The following MOCOS variants were observed in gnomAD, a reference collection of about 807,000 sequenced individuals.
The protein encoded by MOCOS is molybdenum cofactor sulfurase.
A neutral mutation model predicts 83.6 loss-of-function variants in MOCOS; 86 were observed. That is an observed-to-expected ratio of 1.03 (90% CI 0.86 to 1.23). The LOEUF (loss-of-function observed/expected upper bound fraction) is 1.23, where lower values mean the gene tolerates loss of function less well. MOCOS is among the 50% of genes most tolerant of loss of function. MOCOS has a pLI of 0.00. For synonymous variants in MOCOS, 445 were observed against 434.7 expected, an observed-to-expected ratio of 1.02 and a Z score of -0.29; for missense variants, 1,120 against 1,126.9, an observed-to-expected ratio of 0.99 and a Z score of 0.09.
chr18:36,205,277 G>C lies in MOCOS; in HGVS notation c.1218+1G>C, dbSNP rs1362463869. ...AGGGAACATCATTGGTTACTCCCAG[G>C]TGGGTTTTCTTTCCATCCTGCTGAC... On this transcript the variant is annotated splice_donor_variant, in intron 6 of 14. Coordinates refer to ENST00000261326, the MANE Select transcript of MOCOS (RefSeq NM_017947.4). LOFTEE classifies it high-confidence loss of function. 1.9e-6 allele frequency: 3 copies of C among 1,612,976 alleles called. No individual in the cohort carries two copies. Among genetic ancestry groups the C allele is most frequent in the Admixed American group, 3.3e-5 (2 of 59,982 alleles).
At chr18:36,253,082 C>T (rs926116589) in intron 11 of MOCOS, among the ~76,000 whole-genome samples, 1 of 152,074 alleles carries the variant, frequency 6.6e-6, no homozygotes, top group African/African-American at 2.4e-5. Flanking sequence ...ACCTGTGTAC[C>T]ACCCTTGTAA....
chr18:36,210,850 C>CAAAAACAAAAAAAAAAAAAAAA (rs2091452495), intron 6 of MOCOS, among the ~76,000 whole-genome samples: 1 of 48,070 alleles, frequency 2.1e-5, no homozygotes. Context: ...GACTCTGTCT[C>CAAAAACAAAAAAAAAAAAAAAA]AAAAAAAAAA....
chr18:36,216,548 G>A (rs2091476781), intron 8 of MOCOS, among the ~76,000 whole-genome samples: 1 of 152,134 alleles, frequency 6.6e-6, no homozygotes, highest in African/African-American at 2.4e-5. Context: ...AAATGAATTA[G>A]CGAATAAATA....
intron 2 of MOCOS, among the ~76,000 whole-genome samples, chr18:36,196,701 C>G (rs1283833262): frequency 6.6e-6 from 1 of 151,772 alleles, no homozygotes; most frequent in Non-Finnish European, 1.5e-5. Flanking sequence ...GAGCCATAAC[C>G]GTGGGAAAGC....
In MOCOS at chr18:36,271,580, A is replaced by T. The variant is rs895622088; in HGVS notation, c.*2895A>T. On this transcript the variant is annotated 3_prime_UTR_variant, in exon 15 of 15. Coordinates refer to ENST00000261326, the MANE Select transcript of MOCOS (RefSeq NM_017947.4). Reference sequence around the variant, plus strand: ...CTCAAAGTGTATAACAAAATCAAAGACAATGTCATGTCCCTTGAATTTAAT... The same window carrying T: ...CTCAAAGTGTATAACAAAATCAAAGTCAATGTCATGTCCCTTGAATTTAAT... 1.3e-5 allele frequency: 2 copies of T among 152,172 alleles called. No homozygotes were observed. Among genetic ancestry groups the T allele is most frequent in the Non-Finnish European group, 2.9e-5 (2 of 68,026 alleles). The allele number at this position is 152,172 out of a possible 1,614,324, so 9.4% of individuals were successfully genotyped here. A position where few individuals can be genotyped will look rare whatever the true frequency, so the allele number is the denominator to read the frequency against.
chr18:36,261,189 A>C (rs1011505917), intron 13 of MOCOS, among the ~76,000 whole-genome samples: 1 of 152,072 alleles, frequency 6.6e-6, no homozygotes, highest in Non-Finnish European at 1.5e-5. Flanking sequence ...TTATTTTTAT[A>C]ATACAGGCTG....
intron 11 of MOCOS, among the ~76,000 whole-genome samples, chr18:36,253,746 G>A (rs1361139931): frequency 6.6e-6 from 1 of 152,064 alleles, no homozygotes; most frequent in Non-Finnish European, 1.5e-5. Flanking sequence ...GCAGGGCTTG[G>A]CATTCATGGG....
intron 1 of MOCOS, 96 bp downstream of exon 1, chr18:36,187,777 G>A: frequency 8.2e-7 from 1 of 1,217,706 alleles, no homozygotes; most frequent in Non-Finnish European, 1.0e-6. Context: ...CCTCATTCGG[G>A]CGCATTTTGA....
At chr18:36,256,134 C>G (rs560910323) in intron 11 of MOCOS, among the ~76,000 whole-genome samples, 1 of 152,236 alleles carries the variant, frequency 6.6e-6, no homozygotes, top group East Asian at 1.9e-4. Flanking sequence ...TCAGGTGATC[C>G]TCCTGCCTCG....
At position 36,205,159 on chromosome 18, in the gene MOCOS, T is replaced by TGG; in HGVS notation, c.1102_1103dup (p.Ala369GlufsTer68). 1 of 1,613,796 alleles carries TGG rather than the reference T, an allele frequency of 6.2e-7. No individual in the cohort carries two copies. Among genetic ancestry groups the TGG allele is most frequent in the African/African-American group, 1.3e-5 (1 of 74,998 alleles). Reference sequence around the variant, plus strand: ...CCCTGTCCTCTCTCCAGTACCCCAATGGAGCCCCTGTGGTGCGGATTTACA... The same window carrying TGG: ...CCCTGTCCTCTCTCCAGTACCCCAATGGGGAGCCCCTGTGGTGCGGATTTACA... On this transcript the variant is annotated frameshift_variant, in exon 6 of 15. Coordinates refer to ENST00000261326, the MANE Select transcript of MOCOS (RefSeq NM_017947.4). LOFTEE classifies it high-confidence loss of function.
intron 9 of MOCOS, among the ~76,000 whole-genome samples, chr18:36,237,383 A>G (rs1188283711): frequency 6.6e-6 from 1 of 152,104 alleles, no homozygotes; most frequent in African/African-American, 2.4e-5. Context: ...GCATCTATTG[A>G]GATAATCATG....
chr18:36,261,436 C>G (rs1171836999), intron 13 of MOCOS, among the ~76,000 whole-genome samples: 1 of 152,100 alleles, frequency 6.6e-6, no homozygotes, highest in Non-Finnish European at 1.5e-5. Flanking sequence ...AATACTCAAC[C>G]TGTGGTAGTG....
At chr18:36,258,039 A>G (rs2091649331) in intron 12 of MOCOS, among the ~76,000 whole-genome samples, 2 of 152,178 alleles carry the variant, frequency 1.3e-5, no homozygotes, top group African/African-American at 4.8e-5. Flanking sequence ...ATGCAGCCAC[A>G]TGTTCTCTGG....
At chr18:36,200,685 C>T (rs1475336224) in intron 4 of MOCOS, among the ~76,000 whole-genome samples, 1 of 152,140 alleles carries the variant, frequency 6.6e-6, no homozygotes, top group East Asian at 1.9e-4. Flanking sequence ...GAAACAGTGG[C>T]CTTAAAAGGT....
chr18:36,272,006 A>T lies in MOCOS; in HGVS notation c.*3321A>T. The T allele has an allele frequency of 6.6e-6, 1 of 152,234 alleles. No homozygotes were observed. The highest frequency in any genetic ancestry group is 6.5e-5 in the Admixed American group (1 of 15,284). The allele number at this position is 152,234 out of a possible 1,614,324, so 9.4% of individuals were successfully genotyped here. On this transcript the variant is annotated 3_prime_UTR_variant, in exon 15 of 15. Transcript: ENST00000261326. ...TAGATCTCACTATAGAGGCATCACT[A>T]ATTGGGGAAAGACAGACTAGGTAAT... is the stretch of plus-strand genomic sequence containing the variant.
At chr18:36,193,166 C>A (rs2091372803) in intron 1 of MOCOS, among the ~76,000 whole-genome samples, 1 of 149,034 alleles carries the variant, frequency 6.7e-6, no homozygotes, top group Non-Finnish European at 1.5e-5. Flanking sequence ...AAAAAATTAG[C>A]CGGGCGCGGT....
rs2091694268 is a variant in MOCOS, at chr18:36,270,067, T to A, written c.*1382T>A. 1 of 152,178 alleles carries A rather than the reference T, an allele frequency of 6.6e-6. No homozygotes were observed. The highest frequency in any genetic ancestry group is 2.4e-5 in the African/African-American group (1 of 41,432). The allele number at this position is 152,178 out of a possible 1,614,324, so 9.4% of individuals were successfully genotyped here. ...CTAATGATTGCACACTCACGTGCTG[T>A]GAAGAGTTAAGGGTAAAAAGTACAA... On this transcript the variant is annotated 3_prime_UTR_variant, in exon 15 of 15. Coordinates refer to ENST00000261326, the MANE Select transcript of MOCOS (RefSeq NM_017947.4).
Position 36,246,649 on chromosome 18 carries a change from A to T in MOCOS, c.1961-2273A>T, listed in dbSNP as rs534063066. Among the ~76,000 whole-genome samples the T allele has an allele frequency of 6.6e-5, 10 of 152,342 alleles. No homozygotes were observed. The South Asian group carries it at 2.1e-3, about 32-fold the overall frequency. ...GGTTTTCTCAAATGCTGGTTATGCT[A>T]GCAGTGAAGTTGTCACATGGACAGA... On this transcript the variant is annotated intron_variant, in intron 9 of 14. Coordinates refer to ENST00000261326, the MANE Select transcript of MOCOS (RefSeq NM_017947.4).
chr18:36,240,718 C>T (rs540653857), intron 9 of MOCOS, among the ~76,000 whole-genome samples: 2 of 152,310 alleles, frequency 1.3e-5, no homozygotes, highest in South Asian at 2.1e-4. Context: ...CAATGGTGGG[C>T]GCCCCTCCCC....
Sources: allele counts gnomAD v4.1 joint callset (sites outside exome capture counted in the v4.1 genomes callset), GRCh38; gene constraint gnomAD v4.1.1; transcripts MANE v1.5; gene names NCBI Gene and HGNC (gene_info 2026-07-23, HGNC 2026-07-21).